The following WDR27 variants were observed in gnomAD, a reference collection of about 807,000 sequenced individuals.
WDR27 encodes the protein WD repeat-containing protein 27.
Under a neutral mutation model 114.4 loss-of-function variants are expected in WDR27, and 100 were observed. The ratio of observed to expected loss-of-function variants is 0.87; its 90% confidence interval spans 0.74 to 1.03. The LOEUF is 1.03. WDR27 is among the 50% of genes least tolerant of loss of function. The pLI, the probability that WDR27 is intolerant of heterozygous loss-of-function variation, is 0.00. For synonymous variants in WDR27, 449 were observed against 423.1 expected (o/e 1.06, Z -0.75); for missense variants, 1,129 against 1,092.9 (o/e 1.03, Z -0.47).
chr6:169,490,693 A>G (rs573251843), intron 25 of WDR27, among the ~76,000 whole-genome samples: 2 of 152,218 alleles, frequency 1.3e-5, no homozygotes, highest in Admixed American at 6.5e-5. Context: ...AAACAAGACA[A>G]GCTACTGGCT....
intron 25 of WDR27, chr6:169,558,221 T>C (rs1373241128): frequency 2.6e-5 from 4 of 152,162 alleles, no homozygotes; most frequent in African/African-American, 9.7e-5. Context: ...TGTTAATTAC[T>C]GATTTTGATC....
chr6:169,539,406 T>C (rs761840924), intron 25 of WDR27, among the ~76,000 whole-genome samples: 1 of 152,138 alleles, frequency 6.6e-6, no homozygotes, highest in Non-Finnish European at 1.5e-5. Context: ...CAGATAAAGC[T>C]CTGGCAGTCA....
chr6:169,533,935 G>A (rs2128083940), intron 25 of WDR27, among the ~76,000 whole-genome samples: 1 of 152,260 alleles, frequency 6.6e-6, no homozygotes, highest in East Asian at 1.9e-4. Flanking sequence ...ATACAATGAT[G>A]AACAGAAGTG....
At chr6:169,528,222 G>A (rs183758595) in intron 25 of WDR27, among the ~76,000 whole-genome samples, 4 of 151,996 alleles carry the variant, frequency 2.6e-5, no homozygotes, top group Admixed American at 2.0e-4. Context: ...ACAATATCAC[G>A]AACTGAAAAA....
At chr6:169,655,716 G>T (rs1435497946) in intron 13 of WDR27, among the ~76,000 whole-genome samples, 1 of 151,962 alleles carries the variant, frequency 6.6e-6, no homozygotes, top group African/African-American at 2.4e-5. Flanking sequence ...GCAGGGCAGA[G>T]TTTTTTTTGT....
intron 21 of WDR27, among the ~76,000 whole-genome samples, chr6:169,624,827 C>A (rs541654724): frequency 5.3e-4 from 80 of 152,216 alleles, no homozygotes; most frequent in South Asian, 1.5e-3. Flanking sequence ...ATGAAAAATT[C>A]GAGATGTGTG....
At chr6:169,468,674 G>A (rs3006218) in intron 25 of WDR27, among the ~76,000 whole-genome samples, 56,574 of 152,090 alleles carry the variant, frequency 0.37, 13,265 homozygotes, top group Non-Finnish European at 0.53. Context: ...TTAACTTGGC[G>A]GGGCAGGATC....
At chr6:169,508,143 C>A (rs1792256106) in intron 25 of WDR27, among the ~76,000 whole-genome samples, 1 of 152,168 alleles carries the variant, frequency 6.6e-6, no homozygotes. Context: ...CCAGAAGCAT[C>A]TATATGACCA....
At chr6:169,662,663 C>T (rs1826585242) in intron 8 of WDR27, among the ~76,000 whole-genome samples, 1 of 145,090 alleles carries the variant, frequency 6.9e-6, no homozygotes. Context: ...GCATGCACCG[C>T]GGAGCATTCG....
chr6:169,664,632 C>A, intron 7 of WDR27: 1 of 1,095,408 alleles, frequency 9.1e-7, no homozygotes, highest in Non-Finnish European at 1.1e-6. Context: ...TCCCACATGC[C>A]CTGGGTGAGA....
At position 169,636,506 on chromosome 6, in the gene WDR27, T is replaced by C; in HGVS notation, c.1870-2A>G. On this transcript the variant is annotated splice_acceptor_variant, in intron 18 of 25. Transcript: ENST00000448612. LOFTEE classifies it high-confidence loss of function. ...AGGTTTAGAAAACATGTCTTTGCCCTGTAATGCAAATCAGTAATTACTGTC... is the reference window on the plus strand; with the variant it reads ...AGGTTTAGAAAACATGTCTTTGCCCCGTAATGCAAATCAGTAATTACTGTC... The C allele has an allele frequency of 6.3e-7, 1 of 1,598,094 alleles. No homozygotes were observed. Among genetic ancestry groups the C allele is most frequent in the South Asian group, 1.1e-5 (1 of 87,320 alleles).
At position 169,663,996 on chromosome 6, in the gene WDR27, C is replaced by T. The variant is rs373649983; in HGVS notation, c.904+170G>A. Among the ~76,000 whole-genome samples the T allele has an allele frequency of 9.2e-5, 14 of 152,300 alleles. No individual in the cohort carries two copies. The East Asian group carries it at 2.7e-3, about 29-fold the overall frequency. On this transcript the variant is annotated intron_variant, in intron 8 of 25. Coordinates refer to ENST00000448612, the MANE Select transcript of WDR27 (RefSeq NM_182552.5). ...CCAGGTGCCTCCATCTGCTGATGGC[C>T]CACCCCTCACATGACCTGCAGGGCC...
At chr6:169,617,740 T>C (rs1422721099) in intron 21 of WDR27, among the ~76,000 whole-genome samples, 1 of 152,148 alleles carries the variant, frequency 6.6e-6, no homozygotes, top group East Asian at 1.9e-4. Context: ...TGCCTGCTCC[T>C]TACTGTACAC....
At chr6:169,593,845 T>A (rs1321515178) in intron 23 of WDR27, among the ~76,000 whole-genome samples, 1 of 142,448 alleles carries the variant, frequency 7.0e-6, no homozygotes, top group Non-Finnish European at 1.5e-5. Flanking sequence ...CAAGACTCTG[T>A]CTCAAAAAAA....
intron 25 of WDR27, among the ~76,000 whole-genome samples, chr6:169,507,143 C>T (rs1792103013): frequency 6.6e-6 from 1 of 152,156 alleles, no homozygotes; most frequent in Non-Finnish European, 1.5e-5. Flanking sequence ...CCAAATTCTA[C>T]TTTGTGTTTC....
intron 1 of WDR27, among the ~76,000 whole-genome samples, chr6:169,692,771 C>T (rs2128306873): frequency 6.6e-6 from 1 of 152,274 alleles, no homozygotes. Context: ...ACAGCAGCTG[C>T]AGCAAGCCCT....
At chr6:169,429,254 G>C in the WDR27 span, among the ~76,000 whole-genome samples, 1 of 152,172 alleles carries the variant, frequency 6.6e-6, no homozygotes, top group South Asian at 2.1e-4. Flanking sequence ...GTCACAAGCA[G>C]TCTAGGCTTT....
At chr6:169,446,890 A>G in the WDR27 span, among the ~76,000 whole-genome samples, 48,662 of 152,120 alleles carry the variant, frequency 0.32, 9,004 homozygotes, top group African/African-American at 0.51. Context: ...AAAAGCGGCC[A>G]CTTCTCCTGG....
intron 25 of WDR27, among the ~76,000 whole-genome samples, chr6:169,497,694 A>G (rs1245227974): frequency 1.3e-5 from 2 of 152,168 alleles, no homozygotes; most frequent in Non-Finnish European, 2.9e-5. Context: ...AAACAAAACT[A>G]CAATGAGATT....
Sources: gnomAD v4.1 joint callset for allele counts (sites outside exome capture counted in the v4.1 genomes callset) on GRCh38, gnomAD v4.1.1 for gene constraint, MANE v1.5 for transcripts, NCBI Gene and HGNC (gene_info 2026-07-23, HGNC 2026-07-21) for gene names.